NOS1AP: variants seen among roughly 807,000 people sequenced by gnomAD.
NOS1AP encodes nitric oxide synthase 1 adaptor protein.
In NOS1AP, 21 loss-of-function variants were observed where a neutral mutation model predicts 56.2. The observed-to-expected ratio is 0.37, with a 90% confidence interval of 0.26 to 0.54. The LOEUF is 0.54. Ranked by LOEUF, NOS1AP falls within the 20% of genes least tolerant of loss-of-function variation. The pLI, the probability that NOS1AP is intolerant of heterozygous loss-of-function variation, is 0.84. For synonymous variants in NOS1AP, 270 were observed against 274.6 expected (o/e 0.98, Z 0.17); for missense variants, 522 against 657.8 (o/e 0.79, Z 2.26).
At chr1:162,098,295 G>A (rs1186350274) in intron 1 of NOS1AP, among the ~76,000 whole-genome samples, 1 of 151,326 alleles carries the variant, frequency 6.6e-6, no homozygotes, top group African/African-American at 2.4e-5. Flanking sequence ...TTAGTAGAGA[G>A]GAGGTCTCAC....
At chr1:162,296,465 G>A (rs1316358098) in intron 3 of NOS1AP, among the ~76,000 whole-genome samples, 4 of 152,106 alleles carry the variant, frequency 2.6e-5, no homozygotes, top group African/African-American at 9.7e-5. Context: ...AGATTTTAAT[G>A]AGCTCTTCAG....
chr1:162,273,859 A>T (rs1234792057), intron 2 of NOS1AP, among the ~76,000 whole-genome samples: 1 of 152,086 alleles, frequency 6.6e-6, no homozygotes, highest in African/African-American at 2.4e-5. Flanking sequence ...ATTCCCCTCT[A>T]ACTTTCTGTA....
chr1:162,114,833 G>A (rs752716051), intron 1 of NOS1AP, among the ~76,000 whole-genome samples: 36 of 152,170 alleles, frequency 2.4e-4, no homozygotes, highest in Middle Eastern at 3.2e-3. Context: ...TTGCGTCTAT[G>A]TGACCTCTCC....
chr1:162,176,505 CTTTTT>C (rs34280743), intron 2 of NOS1AP, among the ~76,000 whole-genome samples: 1,094 of 87,512 alleles, frequency 0.013, 6 homozygotes, highest in Non-Finnish European at 0.016. Context: ...CATAATAGCT[CTTTTT>C]TTTTTTTTTT....
chr1:162,339,224 A>C (rs1508264), intron 5 of NOS1AP, among the ~76,000 whole-genome samples: 42,201 of 152,008 alleles, frequency 0.28, 6,258 homozygotes, highest in East Asian at 0.53. Context: ...GAAAATATCA[A>C]AGCAACCATA....
At chr1:162,180,105 A>T (rs1651199022) in intron 2 of NOS1AP, among the ~76,000 whole-genome samples, 1 of 152,200 alleles carries the variant, frequency 6.6e-6, no homozygotes, top group Non-Finnish European at 1.5e-5. Flanking sequence ...AGCAACAGTG[A>T]TCATAACATC....
Position 162,368,606 on chromosome 1 carries a change from CA to C in NOS1AP, c.*1140del, listed in dbSNP as rs1647255157. ...TCTCTGCGTGCGTGCCTTGAGCACA[CA>C]TATAAAAAGTGCCATGTGCAATTGT... On this transcript the variant is annotated 3_prime_UTR_variant, in exon 10 of 10. Transcript: ENST00000361897. The C allele has an allele frequency of 6.6e-6, 1 of 152,230 alleles. No individual in the cohort carries two copies. The highest frequency in any genetic ancestry group is 6.5e-5 in the Admixed American group (1 of 15,280). 9.4% of individuals were successfully genotyped at this position (152,230 alleles called of 1,614,324 possible).
chr1:162,323,378 C>A (rs1007221626), intron 4 of NOS1AP, among the ~76,000 whole-genome samples: 8 of 152,222 alleles, frequency 5.3e-5, no homozygotes, highest in South Asian at 2.1e-4. Context: ...AATGAAATTT[C>A]TGTTGTTTTA....
intron 3 of NOS1AP, among the ~76,000 whole-genome samples, chr1:162,292,394 T>A (rs1324521482): frequency 1.3e-5 from 2 of 152,198 alleles, no homozygotes; most frequent in African/African-American, 4.8e-5. Context: ...CAGCTAATAG[T>A]AATAGCTAAC....
chr1:162,290,143 CCA>C (rs1203836929), intron 3 of NOS1AP, among the ~76,000 whole-genome samples: 2 of 152,188 alleles, frequency 1.3e-5, no homozygotes, highest in Admixed American at 6.5e-5. Context: ...TGGGTAATCT[CCA>C]GTGTGGCTTC....
rs960061302 is a variant in NOS1AP, at chr1:162,201,458, T to C, written c.177+46982T>C. ...ATAGAACAATTTATATTTTTTTGAG[T>C]ATATATCCACTAATGAGATTGCTGG... On this transcript the variant is annotated intron_variant, in intron 2 of 9. Coordinates refer to ENST00000361897, the MANE Select transcript of NOS1AP (RefSeq NM_014697.3). 5.9e-5 allele frequency among the ~76,000 whole-genome samples: 9 copies of C among 152,186 alleles called. No homozygotes were observed. In the East Asian group the frequency reaches 1.7e-3, roughly 29 times the overall value.
chr1:162,159,921 C>T (rs1650130378), intron 2 of NOS1AP, among the ~76,000 whole-genome samples: 2 of 152,104 alleles, frequency 1.3e-5, no homozygotes, highest in African/African-American at 4.8e-5. Flanking sequence ...CACTGGGTGG[C>T]TCCTGACCCC....
intron 2 of NOS1AP, among the ~76,000 whole-genome samples, chr1:162,246,216 T>A (rs531682577): frequency 7.9e-5 from 12 of 152,338 alleles, no homozygotes; most frequent in Non-Finnish European, 1.3e-4. Flanking sequence ...TCCTTTTTTT[T>A]AAATCTCCTA....
At chr1:162,104,047 A>AT (rs1414331924) in intron 1 of NOS1AP, among the ~76,000 whole-genome samples, 2 of 152,102 alleles carry the variant, frequency 1.3e-5, no homozygotes, top group Admixed American at 1.3e-4. Flanking sequence ...GCTAGTAATG[A>AT]TTTTTTGTTT....
intron 2 of NOS1AP, among the ~76,000 whole-genome samples, chr1:162,179,014 G>C (rs1172562608): frequency 1.3e-5 from 2 of 152,024 alleles, no homozygotes; most frequent in Non-Finnish European, 2.9e-5. Flanking sequence ...TGGTGCTGGT[G>C]GTTATGTATA....
intron 1 of NOS1AP, among the ~76,000 whole-genome samples, chr1:162,111,053 A>C (rs559939284): frequency 6.6e-6 from 1 of 152,322 alleles, no homozygotes; most frequent in South Asian, 2.1e-4. Context: ...TCCTTATACA[A>C]CTTACAACTA....
chr1:162,305,949 T>C (rs2101760394), intron 4 of NOS1AP, among the ~76,000 whole-genome samples: 1 of 152,350 alleles, frequency 6.6e-6, no homozygotes, highest in African/African-American at 2.4e-5. Flanking sequence ...TTAAATGTAA[T>C]TGATTTGAGA....
intron 2 of NOS1AP, among the ~76,000 whole-genome samples, chr1:162,161,788 C>T (rs543136193): frequency 1.3e-5 from 2 of 152,290 alleles, no homozygotes; most frequent in South Asian, 4.1e-4. Context: ...CTATGTTGCC[C>T]AGGCTAGTTA....
chr1:162,088,717 A>G (rs1157382272), intron 1 of NOS1AP, among the ~76,000 whole-genome samples: 1 of 152,146 alleles, frequency 6.6e-6, no homozygotes, highest in African/African-American at 2.4e-5. Flanking sequence ...GCCCCCAAAC[A>G]ATGGTGATGA....
Sources: gnomAD v4.1 joint callset for allele counts (sites outside exome capture counted in the v4.1 genomes callset) on GRCh38, gnomAD v4.1.1 for gene constraint, MANE v1.5 for transcripts, NCBI Gene and HGNC (gene_info 2026-07-23, HGNC 2026-07-21) for gene names.